Variants in ACSM3 observed in about 807,000 individuals in gnomAD.
The protein encoded by ACSM3 is acyl-coenzyme A synthetase ACSM3, mitochondrial.
Under a neutral mutation model 74.1 loss-of-function variants are expected in ACSM3, and 61 were observed. That is an observed-to-expected ratio of 0.82 (90% confidence interval 0.67 to 1.02). ACSM3 has a LOEUF of 1.02. Ranked by LOEUF, ACSM3 falls within the 50% of genes least tolerant of loss-of-function variation. The pLI is 0.00. For missense variants in ACSM3, 660 were observed against 697.0 expected (o/e 0.95, Z 0.60); for synonymous variants, 213 against 241.5 (o/e 0.88, Z 1.09).
Position 20,780,821 on chromosome 16 carries a change from A to G in ACSM3, c.746A>G (p.His249Arg), listed in dbSNP as rs1311720310. The change falls in exon 5 of 14, where the codon CAC becomes CGC. Residue 249 changes from histidine (H) to arginine (R), a missense_variant. Coordinates refer to ENST00000289416, the MANE Select transcript of ACSM3 (RefSeq NM_005622.4). The part of the protein sequence containing the change: ...SGYPKMTAHT[H>R]SSFGLGLSVN... ...TATCCGAAAATGACTGCACACACCC[A>G]CAGCAGTTTTGGTTTAGGATTATCT... 1.2e-6 allele frequency: 2 copies of G among 1,614,116 alleles called. No individual in the cohort carries two copies. Among genetic ancestry groups the G allele is most frequent in the African/African-American group, 2.7e-5 (2 of 74,948 alleles).
intron 1 of ACSM3, among the ~76,000 whole-genome samples, chr16:20,743,048 C>A (rs2079942310): frequency 6.6e-6 from 1 of 150,452 alleles, no homozygotes; most frequent in Non-Finnish European, 1.5e-5. Flanking sequence ...TCACCCCATT[C>A]TCCTGCCTCC....
At chr16:20,695,678 A>G (rs1259741839) in intron 1 of ACSM3, among the ~76,000 whole-genome samples, 2 of 136,904 alleles carry the variant, frequency 1.5e-5, no homozygotes, top group Non-Finnish European at 3.1e-5. Flanking sequence ...CTATCTATCT[A>G]TCATCTATCT....
chr16:20,745,399 A>G (rs2079953467), intron 1 of ACSM3, among the ~76,000 whole-genome samples: 1 of 152,116 alleles, frequency 6.6e-6, no homozygotes, highest in South Asian at 2.1e-4. Flanking sequence ...ACTGGGTAAC[A>G]TGGCAAAACC....
At chr16:20,763,391 CTG>C (rs1050519039), upstream of ACSM3, among the ~76,000 whole-genome samples, 2 of 152,132 alleles carry the variant, frequency 1.3e-5, no homozygotes, top group African/African-American at 2.4e-5. Context: ...TCAGTGGAAA[CTG>C]TGAATTCAGA....
intron 1 of ACSM3, among the ~76,000 whole-genome samples, chr16:20,699,423 GGACC>G (rs2079706866): frequency 6.6e-6 from 1 of 152,152 alleles, no homozygotes; most frequent in Non-Finnish European, 1.5e-5. Context: ...ATTCCTGACA[GGACC>G]GTGTGGCAAG....
At chr16:20,712,104 T>C (rs1207638941) in intron 1 of ACSM3, among the ~76,000 whole-genome samples, 1 of 152,068 alleles carries the variant, frequency 6.6e-6, no homozygotes, top group East Asian at 1.9e-4. Context: ...CTTGACCACA[T>C]TACCCCAGCC....
intron 1 of ACSM3, among the ~76,000 whole-genome samples, chr16:20,690,106 G>T (rs2079625802): frequency 6.6e-6 from 1 of 152,246 alleles, no homozygotes; most frequent in African/African-American, 2.4e-5. Context: ...AAAAGAAAAA[G>T]AAGGTGGTGG....
intron 1 of ACSM3, among the ~76,000 whole-genome samples, chr16:20,739,318 G>T (rs2152419834): frequency 6.6e-6 from 1 of 152,046 alleles, no homozygotes; most frequent in East Asian, 2.0e-4. Flanking sequence ...TGTGATTACA[G>T]GCGCATGCCA....
chr16:20,770,162 A>G lies in ACSM3; in HGVS notation c.128A>G (p.Tyr43Cys). 2 of 1,614,150 alleles carry G rather than the reference A, an allele frequency of 1.2e-6. No individual in the cohort carries two copies. The highest frequency in any genetic ancestry group is 1.7e-6 in the Non-Finnish European group (2 of 1,180,014). The change falls in exon 2 of 14, where the codon TAT becomes TGT. Residue 43 changes from tyrosine to cysteine, a missense_variant. By Grantham distance (194) the Tyr-to-Cys change is radical. Coordinates refer to ENST00000289416, the MANE Select transcript of ACSM3 (RefSeq NM_005622.4). ...GCAACCCCTCAGAATTTCTCCAACT[A>G]TGAATCCATGAAACAGGACTTCAAA... is the stretch of plus-strand genomic sequence containing the variant. ...RTATPQNFSNYESMKQDFKLG... is the reference protein window; with the variant it reads ...RTATPQNFSNCESMKQDFKLG...
chr16:20,730,090 A>G (rs1310330536), intron 1 of ACSM3, among the ~76,000 whole-genome samples: 1 of 152,176 alleles, frequency 6.6e-6, no homozygotes, highest in Non-Finnish European at 1.5e-5. Context: ...TCAGGGAATG[A>G]TATATGCTGA....
Position 20,780,701 on chromosome 16 carries a change from T to A in ACSM3, c.639-13T>A. ...GTGTTTAACATGCAGTCATTGTAGT[T>A]TTTCCTTTGCAGACATGCCAGTGAC... is the stretch of plus-strand genomic sequence containing the variant. On this transcript the variant is annotated splice_polypyrimidine_tract_variant and intron_variant, in intron 4 of 13. Coordinates refer to ENST00000289416, the MANE Select transcript of ACSM3 (RefSeq NM_005622.4). The A allele has an allele frequency of 6.2e-7, 1 of 1,614,176 alleles. No homozygotes were observed. Among genetic ancestry groups the A allele is most frequent in the South Asian group, 1.1e-5 (1 of 91,084 alleles).
chr16:20,785,943 A>G (rs2080465019), intron 8 of ACSM3, 135 bp from the exon 9 acceptor site: 1 of 539,526 alleles, frequency 1.9e-6, no homozygotes, highest in Non-Finnish European at 3.3e-6. Context: ...ACTACATTCC[A>G]TGAGAGTATA....
intron 2 of ACSM3, among the ~76,000 whole-genome samples, chr16:20,753,021 G>A (rs769365578): frequency 9.2e-4 from 140 of 151,916 alleles, no homozygotes; most frequent in Non-Finnish European, 9.7e-4. Context: ...GGACAATGCC[G>A]TATGTTCTAC....
intron 9 of ACSM3, among the ~76,000 whole-genome samples, chr16:20,789,939 G>A (rs1312152429): frequency 6.6e-6 from 1 of 151,642 alleles, no homozygotes; most frequent in Non-Finnish European, 1.5e-5. Context: ...CTCCCAAAGT[G>A]CTAGGATTAC....
intron 1 of ACSM3, among the ~76,000 whole-genome samples, chr16:20,726,718 A>G (rs1293912841): frequency 1.3e-5 from 2 of 152,212 alleles, no homozygotes; most frequent in African/African-American, 2.4e-5. Context: ...TTGGACACTC[A>G]AGATATCCTT....
intron 1 of ACSM3, among the ~76,000 whole-genome samples, chr16:20,689,662 CA>C (rs1455131886): frequency 1.3e-5 from 2 of 152,104 alleles, no homozygotes; most frequent in African/African-American, 4.8e-5. Context: ...TTTTGAAAAA[CA>C]AAATTGCATT....
Position 20,790,682 on chromosome 16 carries a change from T to G in ACSM3, c.1320T>G (p.His440Gln). ...LPNRPFGLFT[H>Q]YVDNPSKTAS... is the part of the protein sequence containing the mutation. ...ACCGACCATTTGGCCTTTTTACTCA[T>G]TACGTAGTAAGTGACTTACTAAATA... Residue 440 changes from histidine (H) to glutamine (Q), a missense_variant, in exon 10 of 14, where the codon CAT becomes CAG. Physicochemically the swap from His to Gln is conservative, Grantham distance 24. Transcript: ENST00000289416. The surrounding 1 kb of genome is among the most constrained non-coding windows in gnomAD (Gnocchi z 4.0). 1 of 1,614,102 alleles carries G rather than the reference T, an allele frequency of 6.2e-7. No homozygotes were observed. The highest frequency in any genetic ancestry group is 8.5e-7 in the Non-Finnish European group (1 of 1,179,982).
At chr16:20,682,095 T>C (rs1209189387) in intron 1 of ACSM3, 5 of 656,996 alleles carry the variant, frequency 7.6e-6, no homozygotes, top group East Asian at 2.9e-5. Flanking sequence ...AAAGGTAACC[T>C]GACTCTTTGT....
intron 1 of ACSM3, among the ~76,000 whole-genome samples, chr16:20,712,226 C>T (rs1399040921): frequency 6.6e-6 from 1 of 152,086 alleles, no homozygotes; most frequent in African/African-American, 2.4e-5. Context: ...GTCTATGTAA[C>T]AACAGCAGAG....
Sources: gnomAD v4.1 joint callset for allele counts (sites outside exome capture counted in the v4.1 genomes callset) on GRCh38, gnomAD v4.1.1 for gene constraint, Gnocchi (gnomAD v3.1) non-coding constraint, MANE v1.5 for transcripts, NCBI Gene and HGNC (gene_info 2026-07-23, HGNC 2026-07-21) for gene names.